The following MOV10 variants were observed in gnomAD, a reference collection of about 807,000 sequenced individuals.
The protein encoded by MOV10 is Mov10 RNA helicase.
In MOV10, 39 loss-of-function variants were observed where a neutral mutation model predicts 108.4. The ratio of observed to expected loss-of-function variants is 0.36; its 90% CI spans 0.28 to 0.47. The LOEUF (loss-of-function observed/expected upper bound fraction) is 0.47. Ranked by LOEUF, MOV10 falls within the 20% of genes least tolerant of loss-of-function variation. The pLI is 1.00. For synonymous variants in MOV10, 490 were observed against 523.1 expected, an observed-to-expected ratio of 0.94 and a Z score of 0.86; for missense variants, 952 against 1,297.6, an observed-to-expected ratio of 0.73 and a Z score of 4.09.
At position 112,674,935 on chromosome 1, in the gene MOV10, G is replaced by T. The variant is rs201021656; in HGVS notation, c.23G>T (p.Arg8Leu). MPSKFSCRQLREAGQCFE... is the reference protein window; with the variant it reads MPSKFSCLQLREAGQCFE... ...GCGATGCCCAGTAAGTTCAGCTGCCGGCAGCTCCGGGAGGCGGGCCAGTGT... is the reference window on the plus strand; with the variant it reads ...GCGATGCCCAGTAAGTTCAGCTGCCTGCAGCTCCGGGAGGCGGGCCAGTGT... The change falls in exon 2 of 21, where the codon CGG (arginine) becomes CTG (leucine). Residue 8 changes from arginine to leucine, a missense_variant. By Grantham distance (102) the Arg-to-Leu change is moderately radical (BLOSUM62 -2). This residue lies in a region of MOV10 where 374 missense variants were observed against 468.6 expected (regional missense o/e 0.80). Transcript: ENST00000369645. The T allele has an allele frequency of 3.8e-5, 60 of 1,583,642 alleles. No individual in the cohort carries two copies. The highest frequency in any genetic ancestry group is 4.8e-5 in the Non-Finnish European group (56 of 1,165,852).
At chr1:112,699,481 C>T (rs1674432641) in intron 17 of MOV10, 3 of 1,424,608 alleles carry the variant, frequency 2.1e-6, no homozygotes, top group Middle Eastern at 2.6e-4. Context: ...CCCCAGCCCT[C>T]AGCAGGATTC....
At chr1:112,681,491 CA>C (rs762955063) in intron 2 of MOV10, among the ~76,000 whole-genome samples, 7 of 152,020 alleles carry the variant, frequency 4.6e-5, no homozygotes, top group Non-Finnish European at 8.8e-5. Flanking sequence ...AAGACTCTGT[CA>C]AAAGAATCAT....
chr1:112,700,679 T>A lies in MOV10; in HGVS notation c.*172T>A, dbSNP rs1557776103. 1 of 1,530,626 alleles carries A rather than the reference T, an allele frequency of 6.5e-7. No homozygotes were observed. The highest frequency in any genetic ancestry group is 1.4e-5 in the African/African-American group (1 of 72,352). The allele number at this position is 1,530,626 out of a possible 1,614,324, so 94.8% of individuals were successfully genotyped here. ...TGGGGAGAATGACACATCAAGCTGC[T>A]AACAATTGGGGGAAGGGGAAGGAAG... is the stretch of plus-strand genomic sequence containing the variant. On this transcript the variant is annotated 3_prime_UTR_variant, in exon 21 of 21. Transcript: ENST00000369645.
At chr1:112,691,135 GC>G (rs1673545683) in intron 5 of MOV10, among the ~76,000 whole-genome samples, 1 of 152,100 alleles carries the variant, frequency 6.6e-6, no homozygotes, top group South Asian at 2.1e-4. Context: ...AAAAAAATTA[GC>G]CGGGTGTGGT....
chr1:112,695,677 C>T (rs1674005651), intron 11 of MOV10, 103 bp downstream of exon 11: 1 of 1,302,440 alleles, frequency 7.7e-7, no homozygotes, highest in Admixed American at 2.5e-5. Flanking sequence ...CTGATACTTG[C>T]TATGTGACCT....
chr1:112,700,232 T>C lies in MOV10; in HGVS notation c.2812T>C (p.Cys938Arg). ...DPDWKVFLEFCKENGGYTGCP... is the reference protein window; with the variant it reads ...DPDWKVFLEFRKENGGYTGCP... ...TGTACCCCACAGATTCCTGGAGTTC[T>C]GTAAAGAAAACGGAGGGTATACCGG... The change falls in exon 20 of 21, where the codon TGT becomes CGT. Residue 938 changes from cysteine to arginine, a missense_variant. Physicochemically the swap from Cys to Arg is radical, Grantham distance 180 (BLOSUM62 -3). Around this residue, in one of 5 missense-constraint regions of MOV10, gnomAD observed 65 missense variants for 124.3 expected, o/e 0.52. Transcript: ENST00000369645. 6.2e-7 allele frequency: 1 copy of C among 1,614,062 alleles called. No individual in the cohort carries two copies. Among genetic ancestry groups the C allele is most frequent in the Non-Finnish European group, 8.5e-7 (1 of 1,179,916 alleles).
intron 2 of MOV10, among the ~76,000 whole-genome samples, chr1:112,681,772 A>G (rs2101278615): frequency 6.6e-6 from 1 of 151,424 alleles, no homozygotes; most frequent in South Asian, 2.1e-4. Context: ...ATGCATTTCA[A>G]AATAAGTTAC....
chr1:112,688,661 T>C, intron 2 of MOV10: 1 of 1,357,512 alleles, frequency 7.4e-7, no homozygotes, highest in Non-Finnish European at 9.5e-7. Flanking sequence ...CAGCAGCCTG[T>C]GATTGGGCTT....
rs1416003023 is a variant in MOV10, at chr1:112,700,672, A to C, written c.*165A>C. On this transcript the variant is annotated 3_prime_UTR_variant, in exon 21 of 21. Coordinates refer to ENST00000369645, the MANE Select transcript of MOV10 (RefSeq NM_001321324.2). Reference sequence around the variant, plus strand: ...CCCCTGCTGGGGAGAATGACACATCAAGCTGCTAACAATTGGGGGAAGGGG... The same window carrying C: ...CCCCTGCTGGGGAGAATGACACATCCAGCTGCTAACAATTGGGGGAAGGGG... 7.8e-6 allele frequency: 12 copies of C among 1,532,704 alleles called. No homozygotes were observed. The highest frequency in any genetic ancestry group is 1.2e-5 in the South Asian group (1 of 81,922). The allele number at this position is 1,532,704 out of a possible 1,614,324, so 94.9% of individuals were successfully genotyped here.
Position 112,674,895 on chromosome 1 carries a change from G to GC in MOV10, c.-16dup. The GC allele has an allele frequency of 6.4e-7, 1 of 1,551,880 alleles. No homozygotes were observed. Among genetic ancestry groups the GC allele is most frequent in the Non-Finnish European group, 8.7e-7 (1 of 1,153,700 alleles). Reference sequence around the variant, plus strand: ...CATTTCCACGGACCCTCCTGCCTGGGCCGCAGCCGCCGCCGCGATGCCCAG... The same window carrying GC: ...CATTTCCACGGACCCTCCTGCCTGGGCCCGCAGCCGCCGCCGCGATGCCCAG... On this transcript the variant is annotated 5_prime_UTR_variant, in exon 2 of 21. Coordinates refer to ENST00000369645, the MANE Select transcript of MOV10 (RefSeq NM_001321324.2).
Position 112,689,513 on chromosome 1 carries a change from G to A in MOV10, c.440G>A (p.Arg147His), listed in dbSNP as rs770092703. 2.5e-6 allele frequency: 4 copies of A among 1,614,100 alleles called. No individual in the cohort carries two copies. Among genetic ancestry groups the A allele is most frequent in the East Asian group, 2.2e-5 (1 of 44,870 alleles). The change falls in exon 4 of 21, where the codon CGC (arginine) becomes CAC (histidine). Residue 147 changes from arginine (R) to histidine (H), a missense_variant. This residue lies in a region of MOV10 where 374 missense variants were observed against 468.6 expected (regional missense o/e 0.80). Coordinates refer to ENST00000369645, the MANE Select transcript of MOV10 (RefSeq NM_001321324.2). ...GQLLIRLDLN[R>H]KEVLTLRLRN... ...CTCCTTATCCGCCTGGATTTGAACC[G>A]CAAAGAGGTGCTGACCCTGAGGCTT... is the stretch of plus-strand genomic sequence containing the variant.
intron 2 of MOV10, among the ~76,000 whole-genome samples, chr1:112,685,562 G>A (rs1039485730): frequency 1.1e-4 from 17 of 151,744 alleles, no homozygotes; most frequent in African/African-American, 4.1e-4. Flanking sequence ...GGCTGAGGCA[G>A]GAGACTCACT....
At position 112,674,723 on chromosome 1, in the gene MOV10, A is replaced by G. The variant is rs531621109; in HGVS notation, c.-72A>G. The G allele has an allele frequency of 7.6e-6, 4 of 527,670 alleles. No individual in the cohort carries two copies. The East Asian group carries it at 1.4e-4, about 19-fold the overall frequency. 32.7% of individuals were successfully genotyped at this position (527,670 alleles called of 1,614,324 possible). ...GATAGGACGAAGAAACCGAAGGGAA[A>G]GCTCAGGTAAGAAAAGAACGGAGGA... is the stretch of plus-strand genomic sequence containing the variant. On this transcript the variant is annotated 5_prime_UTR_variant, in exon 1 of 21. Coordinates refer to ENST00000369645, the MANE Select transcript of MOV10 (RefSeq NM_001321324.2).
Position 112,689,018 on chromosome 1 carries a change from T to C in MOV10, c.221T>C (p.Val74Ala). Residue 74 changes from valine to alanine, a missense_variant, in exon 3 of 21, where the codon GTC becomes GCC. Coordinates refer to ENST00000369645, the MANE Select transcript of MOV10 (RefSeq NM_001321324.2). The part of the protein sequence containing the change: ...ANLAYVTKTR[V>A]RFFRLDRWAD... Reference sequence around the variant, plus strand: ...CTGGCCTACGTCACCAAGACTCGGGTCAGGTTCTTCAGACTCGACCGCTGG... The same window carrying C: ...CTGGCCTACGTCACCAAGACTCGGGCCAGGTTCTTCAGACTCGACCGCTGG... 6.2e-7 allele frequency: 1 copy of C among 1,612,456 alleles called. No homozygotes were observed. Among genetic ancestry groups the C allele is most frequent in the East Asian group, 2.2e-5 (1 of 44,872 alleles).
chr1:112,685,916 G>A (rs551857714), intron 2 of MOV10, among the ~76,000 whole-genome samples: 16 of 152,282 alleles, frequency 1.1e-4, no homozygotes, highest in African/African-American at 3.9e-4. Flanking sequence ...GATGAGTTCT[G>A]TCTGCCCTTG....
chr1:112,700,175 G>A (rs1353585552), intron 19 of MOV10, 44 bp from the exon 20 acceptor site: 1 of 1,613,394 alleles, frequency 6.2e-7, no homozygotes, highest in Non-Finnish European at 8.5e-7. Context: ...ACAGGACCGT[G>A]GCTTAGCCTC....
At position 112,674,986 on chromosome 1, in the gene MOV10, G is replaced by T; in HGVS notation, c.74G>T (p.Gly25Val). The stretch of plus-strand genomic sequence containing the variant: ...TTCGAGAGTTTCCTGGTCGTTCGGG[G>T]ACTGGACATGGAGACAGATCGCGAG... ...QCFESFLVVR[G>V]LDMETDRERL... is the part of the protein sequence containing the mutation. The change falls in exon 2 of 21, where the codon GGA becomes GTA. Residue 25 changes from glycine (G) to valine (V), a missense_variant. Gly to Val is a moderately radical substitution (Grantham distance 109, BLOSUM62 -3). Transcript: ENST00000369645. 1 of 1,583,282 alleles carries T rather than the reference G, an allele frequency of 6.3e-7. No homozygotes were observed. Among genetic ancestry groups the T allele is most frequent in the South Asian group, 1.1e-5 (1 of 88,352 alleles).
At chr1:112,692,297 C>T (rs1184265372) in intron 6 of MOV10, among the ~76,000 whole-genome samples, 1 of 152,190 alleles carries the variant, frequency 6.6e-6, no homozygotes, top group Non-Finnish European at 1.5e-5. Context: ...GATCATGCCA[C>T]TGCACTCCAG....
chr1:112,694,591 T>C lies in MOV10; in HGVS notation c.1434T>C (p.Pro478=). The change falls in exon 9 of 21, where the codon CCT becomes CCC. Residue 478 remains proline, a synonymous_variant. Coordinates refer to ENST00000369645, the MANE Select transcript of MOV10 (RefSeq NM_001321324.2). This position sits in a 1 kb window ranked among gnomAD's most constrained non-coding sequence, Gnocchi z 4.1. ...GGCCCATGCTCTTTCCTGTGGCACC[T>C]CGGGACGTCCCGCTGCTGCCCTCAG... The part of the protein sequence containing the change: ...LLWPMLFPVA[P]RDVPLLPSDV... 1 of 1,611,760 alleles carries C rather than the reference T, an allele frequency of 6.2e-7. No homozygotes were observed. The highest frequency in any genetic ancestry group is 8.5e-7 in the Non-Finnish European group (1 of 1,178,674).
Sources: gnomAD v4.1 joint callset for allele counts (sites outside exome capture counted in the v4.1 genomes callset) on GRCh38, gnomAD v4.1.1 for gene constraint, gnomAD v4.1.1 regional missense constraint, Gnocchi (gnomAD v3.1) non-coding constraint, MANE v1.5 for transcripts, NCBI Gene and HGNC (gene_info 2026-07-23, HGNC 2026-07-21) for gene names.